SLC5A4: variants seen among roughly 807,000 people sequenced by gnomAD.
The protein encoded by SLC5A4 is probable glucose sensor protein SLC5A4.
A neutral mutation model predicts 70.3 loss-of-function variants in SLC5A4; 55 were observed. The observed-to-expected ratio is 0.78, with a 90% confidence interval of 0.63 to 0.98. The LOEUF is 0.98. SLC5A4 is among the 50% of genes least tolerant of loss of function. The pLI, the probability that SLC5A4 is intolerant of heterozygous loss-of-function variation, is 0.00. For synonymous variants in SLC5A4, 268 were observed against 305.7 expected, an observed-to-expected ratio of 0.88 and a Z score of 1.29; for missense variants, 735 against 839.2, an observed-to-expected ratio of 0.88 and a Z score of 1.53.
At chr22:32,345,949 C>T in the SLC5A4 span, among the ~76,000 whole-genome samples, 11 of 152,108 alleles carry the variant, frequency 7.2e-5, no homozygotes, top group Admixed American at 2.0e-4. Context: ...TCCTTTTCTC[C>T]AAGAAAAGGC....
At chr22:32,312,212 CCT>C in the SLC5A4 span, among the ~76,000 whole-genome samples, 1 of 152,068 alleles carries the variant, frequency 6.6e-6, no homozygotes, top group African/African-American at 2.4e-5. Context: ...GGGGCTGTAC[CCT>C]GTGCTTAGCA....
At chr22:32,325,001 C>T in the SLC5A4 span, among the ~76,000 whole-genome samples, 5 of 152,172 alleles carry the variant, frequency 3.3e-5, no homozygotes, top group African/African-American at 7.2e-5. Flanking sequence ...GTGTGGCCAT[C>T]GACTCCTGCC....
chr22:32,293,976 G>C, the SLC5A4 span, among the ~76,000 whole-genome samples: 72,821 of 151,856 alleles, frequency 0.48, 17,613 homozygotes, highest in Admixed American at 0.51. Context: ...TAGTTTGTAA[G>C]TCTAATTGTG....
chr22:32,279,819 C>T, the SLC5A4 span, among the ~76,000 whole-genome samples: 1 of 152,152 alleles, frequency 6.6e-6, no homozygotes, highest in Non-Finnish European at 1.5e-5. Context: ...CCTCTGTGAT[C>T]CCAAGCCCAC....
chr22:32,347,631 C>T, the SLC5A4 span, among the ~76,000 whole-genome samples: 166 of 143,018 alleles, frequency 1.2e-3, no homozygotes, highest in African/African-American at 4.2e-3. Context: ...CACATGTTCT[C>T]ACTCATAGAT....
At chr22:32,348,372 A>C in the SLC5A4 span, among the ~76,000 whole-genome samples, 5 of 152,156 alleles carry the variant, frequency 3.3e-5, no homozygotes, top group African/African-American at 1.2e-4. Flanking sequence ...TGGGTAGGTG[A>C]GGGCAGAGCA....
chr22:32,314,293 T>G, the SLC5A4 span, among the ~76,000 whole-genome samples: 4 of 152,158 alleles, frequency 2.6e-5, no homozygotes, highest in Non-Finnish European at 4.4e-5. Flanking sequence ...CTTGAATAAT[T>G]TATTGTTTGT....
chr22:32,271,303 G>A, the SLC5A4 span: 2 of 743,828 alleles, frequency 2.7e-6, no homozygotes, highest in Admixed American at 4.0e-5. Context: ...GGCCCGCAGG[G>A]AGGAGGCCAT....
the SLC5A4 span, among the ~76,000 whole-genome samples, chr22:32,291,195 G>A: frequency 7.0e-6 from 1 of 143,276 alleles, no homozygotes; most frequent in African/African-American, 2.6e-5. Context: ...TATACTTTGT[G>A]TTTGACTGTT....
the SLC5A4 span, among the ~76,000 whole-genome samples, chr22:32,311,292 G>A: frequency 6.6e-6 from 1 of 152,134 alleles, no homozygotes; most frequent in Admixed American, 6.5e-5. Context: ...TGGATGGGCA[G>A]TCAGTGTGAG....
At chr22:32,240,035 A>C (rs1016786272) in intron 5 of SLC5A4, among the ~76,000 whole-genome samples, 2 of 151,432 alleles carry the variant, frequency 1.3e-5, no homozygotes, top group African/African-American at 4.8e-5. Context: ...AAAAAAAAAA[A>C]AAAAAAAAGA....
intron 5 of SLC5A4, among the ~76,000 whole-genome samples, chr22:32,245,915 T>A (rs1353415980): frequency 6.6e-6 from 1 of 152,248 alleles, no homozygotes; most frequent in Non-Finnish European, 1.5e-5. Flanking sequence ...GTGTGAACTC[T>A]AAGCCCCTGA....
the SLC5A4 span, among the ~76,000 whole-genome samples, chr22:32,309,247 G>A: frequency 4.6e-5 from 7 of 152,172 alleles, no homozygotes; most frequent in Admixed American, 3.9e-4. Flanking sequence ...AGATGAGAGG[G>A]AAAGCATAAA....
chr22:32,351,758 G>C, the SLC5A4 span, among the ~76,000 whole-genome samples: 1 of 59,946 alleles, frequency 1.7e-5, no homozygotes, highest in Admixed American at 1.8e-4. Flanking sequence ...CGGGGGGGGG[G>C]TGGGCGGGTG....
chr22:32,237,429 TA>T (rs2044789105), intron 6 of SLC5A4, 105 bp from the exon 7 acceptor site: 2 of 716,170 alleles, frequency 2.8e-6, no homozygotes, highest in Non-Finnish European at 4.5e-6. Flanking sequence ...AATGACCCAG[TA>T]GAAGACATCA....
intron 2 of SLC5A4, among the ~76,000 whole-genome samples, chr22:32,252,208 T>C (rs5998337): frequency 0.17 from 24,164 of 144,274 alleles, 2,563 homozygotes; most frequent in African/African-American, 0.32. Flanking sequence ...CCAGCCTGGG[T>C]GACAGAGCAA....
At chr22:32,231,105 G>A (rs1925735869) in intron 9 of SLC5A4, 30 bp from the exon 10 acceptor site, 1 of 1,417,906 alleles carries the variant, frequency 7.1e-7, no homozygotes, top group African/African-American at 1.4e-5. Flanking sequence ...TGAGTCCAAT[G>A]AGGCCCAAAT....
Position 32,218,507 on chromosome 22 carries a change from A to C in SLC5A4, c.*7T>G, listed in dbSNP as rs1924853300. 5.1e-6 allele frequency: 8 copies of C among 1,577,544 alleles called. No individual in the cohort carries two copies. The Middle Eastern group carries it at 5.1e-4, about 100-fold the overall frequency. On this transcript the variant is annotated 3_prime_UTR_variant, in exon 15 of 15. Transcript: ENST00000266086. ...ATTATTCATTATTCTAATGGCTCAG[A>C]TAGAGTTCAGGCATAGTAGCCGTGA...
chr22:32,307,685 G>A, the SLC5A4 span, among the ~76,000 whole-genome samples: 4 of 152,348 alleles, frequency 2.6e-5, no homozygotes, highest in East Asian at 5.8e-4. Flanking sequence ...ACGTGTTGGT[G>A]CTACAGCAAG....
Sources: gnomAD v4.1 joint callset for allele counts (sites outside exome capture counted in the v4.1 genomes callset) on GRCh38, gnomAD v4.1.1 for gene constraint, MANE v1.5 for transcripts, NCBI Gene and HGNC (gene_info 2026-07-23, HGNC 2026-07-21) for gene names.